The following EBI3 variants were observed in gnomAD, a reference collection of about 807,000 sequenced individuals.
The protein encoded by EBI3 is interleukin-27 subunit beta.
EBI3 carries 19 observed loss-of-function variants against 21.3 expected under a neutral mutation model. The observed-to-expected ratio is 0.89, with a 90% CI of 0.62 to 1.31. The LOEUF is 1.31. Among genes scored for constraint, EBI3 ranks in the 50% most tolerant of loss-of-function variants. The pLI is 0.00. For missense variants in EBI3, 331 were observed against 314.0 expected (o/e 1.05, Z -0.41); for synonymous variants, 154 against 131.2 (o/e 1.17, Z -1.19).
chr19:4,234,790 G>C lies in EBI3; in HGVS notation c.503G>C (p.Arg168Pro). ...PEIFSLKYWI[R>P]YKRQGAARFH... ...ATCTTCTCACTGAAGTACTGGATCC[G>C]TTACAAGCGTCAGGGAGCTGCGCGC... The change falls in exon 4 of 5, where the codon CGT becomes CCT. Residue 168 changes from arginine to proline, a missense_variant. Transcript: ENST00000221847. 6.2e-7 allele frequency: 1 copy of C among 1,614,120 alleles called. No homozygotes were observed. Among genetic ancestry groups the C allele is most frequent in the Non-Finnish European group, 8.5e-7 (1 of 1,179,990 alleles).
chr19:4,231,401 G>T (rs576561667), intron 2 of EBI3, 78 bp downstream of exon 2: 25 of 1,466,066 alleles, frequency 1.7e-5, no homozygotes, highest in Non-Finnish European at 1.8e-5. Flanking sequence ...AGAGCCCTGG[G>T]GTCAGGAAAA....
At chr19:4,235,697 T>C (rs1970831323) in intron 4 of EBI3, among the ~76,000 whole-genome samples, 1 of 149,472 alleles carries the variant, frequency 6.7e-6, no homozygotes, top group African/African-American at 2.5e-5. Context: ...AGAGGCCAAG[T>C]TGGGAGGATT....
intron 3 of EBI3, 30 bp from the exon 4 acceptor site, chr19:4,234,637 C>A: frequency 6.2e-7 from 1 of 1,603,946 alleles, no homozygotes; most frequent in African/African-American, 1.3e-5. Flanking sequence ...ACTTACTGTC[C>A]CCTGACCCTG....
intron 1 of EBI3, among the ~76,000 whole-genome samples, chr19:4,230,791 C>T (rs1023727976): frequency 1.3e-5 from 2 of 151,584 alleles, no homozygotes; most frequent in African/African-American, 4.9e-5. Context: ...GGCTAAGAAT[C>T]GCTTGAACCC....
intron 4 of EBI3, 81 bp downstream of exon 4, chr19:4,234,905 G>T: frequency 6.4e-7 from 1 of 1,566,656 alleles, no homozygotes; most frequent in South Asian, 1.2e-5. Flanking sequence ...AGGTGTGCTG[G>T]GCTCTTGCAC....
intron 2 of EBI3, among the ~76,000 whole-genome samples, chr19:4,232,567 A>AT: frequency 6.6e-6 from 1 of 150,880 alleles, no homozygotes; most frequent in East Asian, 2.0e-4. Flanking sequence ...TAGAAAAAAA[A>AT]TTTAAAATTA....
chr19:4,234,946 G>C, intron 4 of EBI3, 122 bp downstream of exon 4: 1 of 1,403,850 alleles, frequency 7.1e-7, no homozygotes, highest in Non-Finnish European at 9.6e-7. Context: ...CATTGAATAA[G>C]AGCAGTCCAG....
rs992841517 is a variant in EBI3, at chr19:4,234,953, C to G, written c.537+129C>G. 3.7e-6 allele frequency: 5 copies of G among 1,340,366 alleles called. No individual in the cohort carries two copies. In the African/African-American group the frequency reaches 5.8e-5, roughly 16 times the overall value. The allele number at this position is 1,340,366 out of a possible 1,614,324, so 83.0% of individuals were successfully genotyped here. A position where few individuals can be genotyped will look rare whatever the true frequency, so the allele number is the denominator to read the frequency against. On this transcript the variant is annotated intron_variant, in intron 4 of 4. Coordinates refer to ENST00000221847, the MANE Select transcript of EBI3 (RefSeq NM_005755.3). ...TCCGGGTGCATTGAATAAGAGCAGTCCAGCAATCTGATTCCTAGGCCTCTA... is the reference window on the plus strand; with the variant it reads ...TCCGGGTGCATTGAATAAGAGCAGTGCAGCAATCTGATTCCTAGGCCTCTA...
At chr19:4,233,065 G>A (rs1042043624) in intron 2 of EBI3, 64 bp from the exon 3 acceptor site, 17 of 1,424,722 alleles carry the variant, frequency 1.2e-5, no homozygotes, top group East Asian at 2.7e-5. Flanking sequence ...GTCAGGCCCG[G>A]CAGTAGGAGG....
chr19:4,232,323 T>C (rs1970792798), intron 2 of EBI3, among the ~76,000 whole-genome samples: 1 of 151,592 alleles, frequency 6.6e-6, no homozygotes, highest in Non-Finnish European at 1.5e-5. Context: ...GGTACTTGCC[T>C]GTAGTCCCAG....
Position 4,234,643 on chromosome 19 carries a change from CCCTGCTT to C in EBI3, c.380-16_380-10del. 1 of 1,606,150 alleles carries C rather than the reference CCCTGCTT, an allele frequency of 6.2e-7. No homozygotes were observed. On this transcript the variant is annotated splice_polypyrimidine_tract_variant and intron_variant, in intron 3 of 4. Coordinates refer to ENST00000221847, the MANE Select transcript of EBI3 (RefSeq NM_005755.3). ...AATGACTGGACTTACTGTCCCCTGACCCTGCTTCCTGCTTGTCCGTCAGTCAAGCCCG... is the reference window on the plus strand; with the variant it reads ...AATGACTGGACTTACTGTCCCCTGACCCTGCTTGTCCGTCAGTCAAGCCCG...
intron 3 of EBI3, among the ~76,000 whole-genome samples, chr19:4,233,681 G>A (rs947759053): frequency 1.1e-4 from 16 of 152,008 alleles, no homozygotes; most frequent in Non-Finnish European, 2.1e-4. Context: ...TCTCCTCCAT[G>A]CCCTCCCCTC....
chr19:4,235,024 C>T (rs542547451), intron 4 of EBI3, among the ~76,000 whole-genome samples, 200 bp downstream of exon 4: 6 of 152,124 alleles, frequency 3.9e-5, no homozygotes, highest in East Asian at 3.9e-4. Flanking sequence ...GTCGCACACC[C>T]GTTTTTGTTG....
chr19:4,231,734 G>T (rs992460962), intron 2 of EBI3, among the ~76,000 whole-genome samples: 16 of 140,492 alleles, frequency 1.1e-4, no homozygotes, highest in Non-Finnish European at 2.0e-4. Context: ...TGGCACCATT[G>T]CACTCCAGCC....
At chr19:4,236,388 G>T (rs1403428735) in intron 4 of EBI3, among the ~76,000 whole-genome samples, 1 of 151,860 alleles carries the variant, frequency 6.6e-6, no homozygotes, top group Non-Finnish European at 1.5e-5. Context: ...CAGGCATGGT[G>T]GCGGGCGCCT....
At position 4,234,755 on chromosome 19, in the gene EBI3, C is replaced by T; in HGVS notation, c.468C>T (p.Pro156=). The T allele has an allele frequency of 1.2e-6, 2 of 1,614,148 alleles. No individual in the cohort carries two copies. Among genetic ancestry groups the T allele is most frequent in the South Asian group, 2.2e-5 (2 of 91,088 alleles). Residue 156 remains proline, a synonymous_variant, in exon 4 of 5, where the codon CCC becomes CCT. Coordinates refer to ENST00000221847, the MANE Select transcript of EBI3 (RefSeq NM_005755.3). ...QVQWEPPGSW[P]FPEIFSLKYW... Reference sequence around the variant, plus strand: ...AGTGGGAGCCTCCCGGGTCCTGGCCCTTCCCAGAGATCTTCTCACTGAAGT... The same window carrying T: ...AGTGGGAGCCTCCCGGGTCCTGGCCTTTCCCAGAGATCTTCTCACTGAAGT...
At chr19:4,235,315 T>A (rs1226740797) in intron 4 of EBI3, among the ~76,000 whole-genome samples, 1 of 136,780 alleles carries the variant, frequency 7.3e-6, no homozygotes, top group African/African-American at 3.5e-5. Context: ...CACCGAATTG[T>A]TCACTTTATT....
intron 4 of EBI3, among the ~76,000 whole-genome samples, chr19:4,235,319 C>CTTTATTGATTGATTGATTGAAACAAGG (rs373721445): frequency 0.05 from 7,560 of 150,308 alleles, 657 homozygotes; most frequent in African/African-American, 0.18. Flanking sequence ...GAATTGTTCA[C>CTTTATTGATTGATTGATTGAAACAAGG]TTTATTGATT....
intron 1 of EBI3, among the ~76,000 whole-genome samples, chr19:4,230,193 G>A (rs1227648215): frequency 4.6e-5 from 7 of 152,082 alleles, no homozygotes; most frequent in Admixed American, 1.3e-4. Context: ...CAAAGTGCTG[G>A]GATGACAGAT....
Sources: allele counts gnomAD v4.1 joint callset (sites outside exome capture counted in the v4.1 genomes callset), GRCh38; gene constraint gnomAD v4.1.1; transcripts MANE v1.5; gene names NCBI Gene and HGNC (gene_info 2026-07-23, HGNC 2026-07-21).